The following ZNF746 variants were observed in gnomAD, a reference collection of about 807,000 sequenced individuals.
The protein encoded by ZNF746 is parkin-interacting substrate.
ZNF746 carries 13 observed loss-of-function variants against 41.0 expected under a neutral mutation model. The ratio of observed to expected loss-of-function variants is 0.32; its 90% CI spans 0.21 to 0.50. The LOEUF is 0.50. Ranked by LOEUF, ZNF746 falls within the 20% of genes least tolerant of loss-of-function variation. The pLI is 0.98. For missense variants in ZNF746, 811 were observed against 922.9 expected, an observed-to-expected ratio of 0.88 and a Z score of 1.57; for synonymous variants, 424 against 396.2, an observed-to-expected ratio of 1.07 and a Z score of -0.83.
At chr7:149,491,662 T>G in intron 4 of ZNF746, 2 of 554,888 alleles carry the variant, frequency 3.6e-6, no homozygotes, top group Middle Eastern at 4.8e-4. Flanking sequence ...TGAGATGAGA[T>G]GACGAACATG....
intron 4 of ZNF746, chr7:149,491,948 T>C (rs1274184795): frequency 1.4e-6 from 1 of 702,762 alleles, no homozygotes; most frequent in South Asian, 1.5e-5. Context: ...TCTGAGACGC[T>C]GATATCTGGT....
intron 5 of ZNF746, among the ~76,000 whole-genome samples, 159 bp from the exon 6 acceptor site, chr7:149,477,206 C>T (rs1193638605): frequency 6.6e-6 from 1 of 152,238 alleles, no homozygotes; most frequent in South Asian, 2.1e-4. Flanking sequence ...TGTCTTTTGT[C>T]CCCCTTTCTG....
rs1204720873 is a variant in ZNF746, at chr7:149,475,066, G to A, written c.1301C>T (p.Pro434Leu). Residue 434 changes from proline to leucine, a missense_variant, in exon 7 of 7, where the codon CCA (proline) becomes CTA (leucine). This residue lies in a region of ZNF746 where 495 missense variants were observed against 481.6 expected (regional missense o/e 1.03). Transcript: ENST00000458143. ...GEAILDPSQAPRPFNEPCKYP... is the reference protein window; with the variant it reads ...GEAILDPSQALRPFNEPCKYP... ...TTTACAGGGTTCGTTGAATGGCCTT[G>A]GGGCCTGGCTGGGGTCCAAGATGGC... The A allele has an allele frequency of 4.4e-6, 7 of 1,590,756 alleles. No individual in the cohort carries two copies. The highest frequency in any genetic ancestry group is 6.0e-6 in the Non-Finnish European group (7 of 1,169,514).
chr7:149,474,304 G>C lies in ZNF746; in HGVS notation c.*80C>G, dbSNP rs1800203543. The C allele has an allele frequency of 8.6e-6, 13 of 1,510,426 alleles. No individual in the cohort carries two copies. Among genetic ancestry groups the C allele is most frequent in the Non-Finnish European group, 1.2e-5 (13 of 1,117,328 alleles). 93.6% of individuals were successfully genotyped at this position (1,510,426 alleles called of 1,614,324 possible). A position where few individuals can be genotyped will look rare whatever the true frequency, so the allele number is the denominator to read the frequency against. ...GGTTCTCCCCGTCCCGCGTCTGCCT[G>C]AAGCTTCCACGCCGCCCTGCTGCCT... On this transcript the variant is annotated 3_prime_UTR_variant, in exon 7 of 7. Coordinates refer to ENST00000458143, the MANE Select transcript of ZNF746 (RefSeq NM_001394198.1). This position sits in a 1 kb window ranked among gnomAD's most constrained non-coding sequence, Gnocchi z 6.3.
chr7:149,487,661 A>G (rs1800668900), intron 4 of ZNF746: 1 of 152,226 alleles, frequency 6.6e-6, no homozygotes, highest in Non-Finnish European at 1.5e-5. Flanking sequence ...AGTCAACAGC[A>G]TACCTGTACA....
At chr7:149,488,304 G>C (rs1232056527) in intron 4 of ZNF746, 1 of 151,930 alleles carries the variant, frequency 6.6e-6, no homozygotes, top group Admixed American at 6.5e-5. Context: ...AAAAAAAATA[G>C]AGAAGAGTAT....
rs1801029731 is a variant in ZNF746, at chr7:149,497,163, G to A, written c.24+350C>T. The A allele has an allele frequency of 6.1e-6, 6 of 985,366 alleles. No individual in the cohort carries two copies. The highest frequency in any genetic ancestry group is 7.2e-6 in the Non-Finnish European group (6 of 829,904). The allele number at this position is 985,366 out of a possible 1,614,324, so 61.0% of individuals were successfully genotyped here. A position where few individuals can be genotyped will look rare whatever the true frequency, so the allele number is the denominator to read the frequency against. ...CGGGGGAGATGGAGAGGGACCTACA[G>A]GCCGAGCGCCAGGCAGAGAAAGGAG... On this transcript the variant is annotated intron_variant, in intron 1 of 6. Transcript: ENST00000458143. This position sits in a 1 kb window ranked among gnomAD's most constrained non-coding sequence, Gnocchi z 4.2.
rs1800155100 is a variant in ZNF746 at position 149,473,152 on chromosome 7, T to C, written c.*1232A>G. On this transcript the variant is annotated 3_prime_UTR_variant, in exon 7 of 7. Transcript: ENST00000458143. ...CCCCCAAACCCAGCCTCGCGAGCTG[T>C]GCCCTCTGAGAGTGCACACATTAAG... 6.6e-6 allele frequency: 1 copy of C among 152,060 alleles called. No homozygotes were observed. The allele number at this position is 152,060 out of a possible 1,614,324, so 9.4% of individuals were successfully genotyped here.
intron 4 of ZNF746, among the ~76,000 whole-genome samples, chr7:149,487,250 C>T (rs954552256): frequency 5.9e-5 from 9 of 152,072 alleles, no homozygotes; most frequent in South Asian, 2.1e-4. Context: ...AAAAAGGTTC[C>T]GGACTGCTAT....
At chr7:149,481,516 A>C (rs1480753884) in intron 4 of ZNF746, among the ~76,000 whole-genome samples, 1 of 152,248 alleles carries the variant, frequency 6.6e-6, no homozygotes, top group Non-Finnish European at 1.5e-5. Flanking sequence ...ATGTGCAGTT[A>C]CCTGAATCCA....
rs183484891 is a variant in ZNF746, at chr7:149,491,667, A to G, written c.565+1192T>C. 4.5e-3 allele frequency: 2,507 copies of G among 562,130 alleles called. 13 individuals are homozygous for G. The highest frequency in any genetic ancestry group is 8.2e-3 in the Admixed American group (273 of 33,216). The allele number at this position is 562,130 out of a possible 1,614,324, so 34.8% of individuals were successfully genotyped here. ...CAAATCTGACTGAGATGAGATGACG[A>G]ACATGGGGGATGCATTTAATTTCAC... On this transcript the variant is annotated intron_variant, in intron 4 of 6. Transcript: ENST00000458143.
At chr7:149,479,380 C>G (rs1162829020) in intron 4 of ZNF746, among the ~76,000 whole-genome samples, 1 of 152,152 alleles carries the variant, frequency 6.6e-6, no homozygotes, top group East Asian at 1.9e-4. Context: ...AAACATCTGT[C>G]AACTCATTTT....
At chr7:149,496,982 G>T (rs531353557) in intron 1 of ZNF746, 13 of 985,228 alleles carry the variant, frequency 1.3e-5, no homozygotes, top group Non-Finnish European at 1.4e-5. Context: ...CATCCCACAG[G>T]CTTGCTGTGA....
chr7:149,496,753 A>G (rs1801009585), intron 1 of ZNF746: 1 of 925,904 alleles, frequency 1.1e-6, no homozygotes, highest in African/African-American at 1.8e-5. Context: ...AGGCCCCCTG[A>G]CACTCCTTCC....
At chr7:149,493,891 T>C (rs1800894603) in intron 3 of ZNF746, 98 bp downstream of exon 3, 60 of 1,586,956 alleles carry the variant, frequency 3.8e-5, no homozygotes, top group Non-Finnish European at 5.2e-5. Context: ...ATGTTTCTGG[T>C]GATTTATATA....
intron 4 of ZNF746, among the ~76,000 whole-genome samples, chr7:149,481,500 T>C (rs1324132461): frequency 3.3e-5 from 5 of 152,238 alleles, no homozygotes; most frequent in African/African-American, 1.2e-4. Flanking sequence ...TTCCTGAATA[T>C]TTCAAATGTG....
chr7:149,490,809 G>C (rs1262640611), intron 4 of ZNF746: 1 of 153,022 alleles, frequency 6.5e-6, no homozygotes, highest in East Asian at 1.9e-4. Flanking sequence ...GGGAAGGTCT[G>C]CAGAAGTAGC....
At position 149,474,045 on chromosome 7, in the gene ZNF746, G is replaced by C. The variant is rs1007459242; in HGVS notation, c.*339C>G. ...AGATAGTGACAGAAATGCACGCCCT[G>C]AAAACCAAAAGTACCTACAAAATTT... On this transcript the variant is annotated 3_prime_UTR_variant, in exon 7 of 7. Coordinates refer to ENST00000458143, the MANE Select transcript of ZNF746 (RefSeq NM_001394198.1). The surrounding 1 kb of genome is among the most constrained non-coding windows in gnomAD (Gnocchi z 6.3). 3.0e-6 allele frequency: 1 copy of C among 335,768 alleles called. No homozygotes were observed. The highest frequency in any genetic ancestry group is 2.2e-5 in the African/African-American group (1 of 45,810). The allele number at this position is 335,768 out of a possible 1,614,324, so 20.8% of individuals were successfully genotyped here.
chr7:149,479,358 A>C (rs929972565), intron 4 of ZNF746, among the ~76,000 whole-genome samples: 1 of 152,232 alleles, frequency 6.6e-6, no homozygotes, highest in Non-Finnish European at 1.5e-5. Flanking sequence ...AATATCTTCA[A>C]ATGTTGAGAG....
Sources: allele counts gnomAD v4.1 joint callset (sites outside exome capture counted in the v4.1 genomes callset), GRCh38; gene constraint gnomAD v4.1.1; regional missense constraint gnomAD v4.1.1; non-coding constraint Gnocchi (gnomAD v3.1); transcripts MANE v1.5; gene names NCBI Gene and HGNC (gene_info 2026-07-23, HGNC 2026-07-21).